Variants in MRPL58 observed in about 807,000 individuals in gnomAD.
The protein encoded by MRPL58 is large ribosomal subunit protein mL62.
A neutral mutation model predicts 26.0 loss-of-function variants in MRPL58; 17 were observed. The ratio of observed to expected loss-of-function variants is 0.65; its 90% CI spans 0.45 to 0.98. The LOEUF (loss-of-function observed/expected upper bound fraction) is 0.98. Ranked by LOEUF, MRPL58 falls within the 50% of genes least tolerant of loss-of-function variation. The pLI is 0.00. For missense variants in MRPL58, 250 were observed against 269.0 expected (o/e 0.93, Z 0.49); for synonymous variants, 100 against 99.7 (o/e 1.00, Z -0.02).
Position 75,012,715 on chromosome 17 carries a change from GC to G in MRPL58, c.31del (p.Leu11Ter). 6.4e-7 allele frequency: 1 copy of G among 1,571,516 alleles called. No individual in the cohort carries two copies. Among genetic ancestry groups the G allele is most frequent in the African/African-American group, 1.4e-5 (1 of 73,830 alleles). ...GCGGCCACCAGGTGCCTGCGCTGGGGCCTGAGCCGAGCCGGAGTCTGGCTGC... is the reference window on the plus strand; with the variant it reads ...GCGGCCACCAGGTGCCTGCGCTGGGGCTGAGCCGAGCCGGAGTCTGGCTGC... MAATRCLRW[G>X]LSRAGVWLLP... is the part of the protein sequence containing the mutation. On this transcript the variant is annotated frameshift_variant, in exon 1 of 6. Transcript: ENST00000301585. LOFTEE classifies it high-confidence loss of function.
rs182087665 is a variant in MRPL58, at chr17:75,018,010, T to C, written c.223+896T>C. 6.6e-5 allele frequency among the ~76,000 whole-genome samples: 10 copies of C among 152,144 alleles called. No individual in the cohort carries two copies. In the East Asian group the frequency reaches 7.7e-4, roughly 12 times the overall value. ...CAGCCCAATTAAAGTAAAGAGACTATCTCGGGTGTGCAGAAGTAGAATCTT... is the reference window on the plus strand; with the variant it reads ...CAGCCCAATTAAAGTAAAGAGACTACCTCGGGTGTGCAGAAGTAGAATCTT... On this transcript the variant is annotated intron_variant, in intron 2 of 5. Transcript: ENST00000301585.
In MRPL58 at chr17:75,021,224, G is replaced by C; in HGVS notation, c.*219G>C. Reference sequence around the variant, plus strand: ...CACCATGTTGTCAAACCTTAATAATGCACCTCATGTATTAGTCACAATAAA... The same window carrying C: ...CACCATGTTGTCAAACCTTAATAATCCACCTCATGTATTAGTCACAATAAA... On this transcript the variant is annotated 3_prime_UTR_variant, in exon 6 of 6. Coordinates refer to ENST00000301585, the MANE Select transcript of MRPL58 (RefSeq NM_001545.3). 1 of 556,648 alleles carries C rather than the reference G, an allele frequency of 1.8e-6. No individual in the cohort carries two copies. 34.5% of individuals were successfully genotyped at this position (556,648 alleles called of 1,614,324 possible). A position where few individuals can be genotyped will look rare whatever the true frequency, so the allele number is the denominator to read the frequency against.
intron 1 of MRPL58, among the ~76,000 whole-genome samples, chr17:75,014,056 G>A (rs1006471826): frequency 1.3e-5 from 2 of 152,144 alleles, no homozygotes; most frequent in African/African-American, 2.4e-5. Flanking sequence ...TAAGCAGGGT[G>A]GAAGCAGTAG....
chr17:75,020,137 C>A, intron 3 of MRPL58, 176 bp from the exon 4 acceptor site: 1 of 587,156 alleles, frequency 1.7e-6, no homozygotes, highest in South Asian at 2.2e-5. Context: ...CTATTTTTGC[C>A]CAAAAGTGCC....
intron 1 of MRPL58, among the ~76,000 whole-genome samples, chr17:75,016,017 T>C (rs886753692): frequency 1.3e-5 from 2 of 150,292 alleles, no homozygotes; most frequent in African/African-American, 4.9e-5. Flanking sequence ...ACTCCTGACT[T>C]GAAGTGATCC....
intron 1 of MRPL58, among the ~76,000 whole-genome samples, chr17:75,016,032 G>T (rs112633058): frequency 8.1e-6 from 1 of 122,996 alleles, no homozygotes; most frequent in African/African-American, 2.9e-5. Flanking sequence ...TGATCCACCC[G>T]TCTCGGCCTC....
chr17:75,020,307 C>T lies in MRPL58; in HGVS notation c.284-6C>T, dbSNP rs368579383. 31 of 1,612,394 alleles carry T rather than the reference C, an allele frequency of 1.9e-5. No individual in the cohort carries two copies. The highest frequency in any genetic ancestry group is 2.5e-5 in the Non-Finnish European group (29 of 1,178,774). ...ACCCATGCTCCCTTCTCCCTTTCCT[C>T]CACAGTGAATTCCAAGGCAGAAGTC... On this transcript the variant is annotated splice_region_variant and splice_polypyrimidine_tract_variant and intron_variant, in intron 3 of 5. Transcript: ENST00000301585.
chr17:75,017,486 C>T (rs531336097), intron 2 of MRPL58, among the ~76,000 whole-genome samples: 46 of 152,268 alleles, frequency 3.0e-4, no homozygotes, highest in African/African-American at 1.1e-3. Context: ...CAGTGGCTCA[C>T]GCCTATAATT....
chr17:75,012,773 G>C lies in MRPL58; in HGVS notation c.87G>C (p.Ala29=). 4.4e-6 allele frequency: 7 copies of C among 1,602,666 alleles called. No individual in the cohort carries two copies. The highest frequency in any genetic ancestry group is 6.0e-6 in the Non-Finnish European group (7 of 1,175,630). ...CGCCCGCACGGTGCCCACGCCGGGC[G>C]CTGCACAAGCAGAAAGACGGCACTG... is the stretch of plus-strand genomic sequence containing the variant. The part of the protein sequence containing the change: ...LPPPARCPRR[A]LHKQKDGTEF... Residue 29 remains alanine, a synonymous_variant, in exon 1 of 6, where the codon GCG becomes GCC. Transcript: ENST00000301585.
chr17:75,020,310 C>T lies in MRPL58; in HGVS notation c.284-3C>T. 1 of 1,612,890 alleles carries T rather than the reference C, an allele frequency of 6.2e-7. No homozygotes were observed. Among genetic ancestry groups the T allele is most frequent in the Admixed American group, 1.7e-5 (1 of 60,006 alleles). On this transcript the variant is annotated splice_region_variant and splice_polypyrimidine_tract_variant and intron_variant, in intron 3 of 5. Coordinates refer to ENST00000301585, the MANE Select transcript of MRPL58 (RefSeq NM_001545.3). ...CATGCTCCCTTCTCCCTTTCCTCCACAGTGAATTCCAAGGCAGAAGTCAGG... is the reference window on the plus strand; with the variant it reads ...CATGCTCCCTTCTCCCTTTCCTCCATAGTGAATTCCAAGGCAGAAGTCAGG...
chr17:75,020,900 T>C (rs777038117), intron 5 of MRPL58, 21 bp from the exon 6 acceptor site: 9 of 1,590,442 alleles, frequency 5.7e-6, no homozygotes, highest in Non-Finnish European at 6.9e-6. Context: ...CTGGGGCTAA[T>C]TGCAGTCTTT....
intron 1 of MRPL58, 91 bp from the exon 2 acceptor site, chr17:75,016,987 G>C: frequency 1.1e-6 from 1 of 921,060 alleles, no homozygotes; most frequent in Non-Finnish European, 1.8e-6. Flanking sequence ...TGTTTGTGTT[G>C]TGGCTTTACA....
intron 1 of MRPL58, 29 bp downstream of exon 1, chr17:75,012,901 G>C (rs770094220): frequency 4.4e-6 from 7 of 1,587,964 alleles, no homozygotes; most frequent in Non-Finnish European, 6.0e-6. Context: ...GACGGAAGGG[G>C]CGTTTTGTCA....
At chr17:75,016,970 T>C (rs1375756174) in intron 1 of MRPL58, 108 bp from the exon 2 acceptor site, 11 of 832,774 alleles carry the variant, frequency 1.3e-5, no homozygotes, top group South Asian at 2.7e-5. Context: ...AAAATACTAA[T>C]GTACAATGTT....
chr17:75,018,983 C>T lies in MRPL58; in HGVS notation c.224-717C>T, dbSNP rs1444006515. Among the ~76,000 whole-genome samples the T allele has an allele frequency of 2.0e-5, 3 of 152,096 alleles. No individual in the cohort carries two copies. In the East Asian group the frequency reaches 5.8e-4, roughly 29 times the overall value. ...CAGTTTTGTAGCTTGAAGCTGTGCCCGCCTGTAGTCTCAGCTACTTGAGAG... is the reference window on the plus strand; with the variant it reads ...CAGTTTTGTAGCTTGAAGCTGTGCCTGCCTGTAGTCTCAGCTACTTGAGAG... On this transcript the variant is annotated intron_variant, in intron 2 of 5. Coordinates refer to ENST00000301585, the MANE Select transcript of MRPL58 (RefSeq NM_001545.3).
intron 2 of MRPL58, among the ~76,000 whole-genome samples, chr17:75,017,347 TCATAC>T (rs2039981880): frequency 6.6e-6 from 1 of 152,090 alleles, no homozygotes; most frequent in Admixed American, 6.5e-5. Flanking sequence ...GCATGGTGTC[TCATAC>T]CTGTAATCCC....
chr17:75,012,717 C>T lies in MRPL58; in HGVS notation c.31C>T (p.Leu11=), dbSNP rs866434364. 6.4e-7 allele frequency: 1 copy of T among 1,572,928 alleles called. No homozygotes were observed. Among genetic ancestry groups the T allele is most frequent in the East Asian group, 2.4e-5 (1 of 42,140 alleles). Reference sequence around the variant, plus strand: ...GGCCACCAGGTGCCTGCGCTGGGGCCTGAGCCGAGCCGGAGTCTGGCTGCT... The same window carrying T: ...GGCCACCAGGTGCCTGCGCTGGGGCTTGAGCCGAGCCGGAGTCTGGCTGCT... The part of the protein sequence containing the change: MAATRCLRWG[L]SRAGVWLLPP... The change falls in exon 1 of 6, where the codon CTG becomes TTG. Residue 11 remains leucine (L), a synonymous_variant. Transcript: ENST00000301585.
In MRPL58 at chr17:75,020,247, C is replaced by T. The variant is rs192570649; in HGVS notation, c.284-66C>T. ...CCTTTATTTCAGAATGGTCACTGGT[C>T]ACCCAGGGGTTGATCCTTCCTGGAA... is the stretch of plus-strand genomic sequence containing the variant. On this transcript the variant is annotated intron_variant, in intron 3 of 5. Transcript: ENST00000301585. 222 of 1,233,288 alleles carry T rather than the reference C, an allele frequency of 1.8e-4. No individual in the cohort carries two copies. In the African/African-American group the frequency reaches 2.9e-3, roughly 16 times the overall value. 76.4% of individuals were successfully genotyped at this position (1,233,288 alleles called of 1,614,324 possible).
chr17:75,017,735 A>G (rs2039984229), intron 2 of MRPL58, among the ~76,000 whole-genome samples: 1 of 150,806 alleles, frequency 6.6e-6, no homozygotes, highest in Non-Finnish European at 1.5e-5. Context: ...GCAACAGAGT[A>G]AGACTCTGTC....
Sources: gnomAD v4.1 joint callset for allele counts (sites outside exome capture counted in the v4.1 genomes callset) on GRCh38, gnomAD v4.1.1 for gene constraint, MANE v1.5 for transcripts, NCBI Gene and HGNC (gene_info 2026-07-23, HGNC 2026-07-21) for gene names.